Variants in NSF observed in about 807,000 individuals in gnomAD.
NSF encodes the protein vesicle-fusing ATPase.
A neutral mutation model predicts 50.3 loss-of-function variants in NSF; 14 were observed. The observed-to-expected ratio is 0.28, with a 90% CI of 0.18 to 0.44. NSF has a LOEUF of 0.44. NSF is among the 20% of genes least tolerant of loss of function. NSF has a pLI of 1.00. For synonymous variants in NSF, 109 were observed against 175.7 expected (o/e 0.62, Z 3.00); for missense variants, 218 against 504.3 (o/e 0.43, Z 5.44).
chr17:46,713,598 A>C (rs980396286), intron 14 of NSF, among the ~76,000 whole-genome samples: 5 of 152,202 alleles, frequency 3.3e-5, no homozygotes, highest in Non-Finnish European at 5.9e-5. Flanking sequence ...TTTTGCCAAA[A>C]GTTTGAAAGA....
intron 15 of NSF, among the ~76,000 whole-genome samples, chr17:46,720,887 T>A (rs1328251712): frequency 2.0e-5 from 3 of 152,200 alleles, no homozygotes; most frequent in Non-Finnish European, 4.4e-5. Flanking sequence ...ATGCTTGTTG[T>A]GGCTTGTGAT....
At chr17:46,729,793 A>G (rs1234565901) in intron 17 of NSF, among the ~76,000 whole-genome samples, 1 of 152,224 alleles carries the variant, frequency 6.6e-6, no homozygotes, top group Non-Finnish European at 1.5e-5. Flanking sequence ...TTTTTAATTT[A>G]ACAGTTATAT....
rs1330042760 is a variant in NSF, at chr17:46,755,865, C to A, written c.*42C>A. ...ACACACAGTGACCAAGGGAAGTGAC[C>A]AAGGTGAAGATGGCCTAGGATCTTC... On this transcript the variant is annotated 3_prime_UTR_variant, in exon 21 of 21. Transcript: ENST00000398238. 2 of 1,598,588 alleles carry A rather than the reference C, an allele frequency of 1.3e-6. No individual in the cohort carries two copies. The highest frequency in any genetic ancestry group is 1.1e-5 in the South Asian group (1 of 89,010).
chr17:46,755,254 C>A, intron 19 of NSF, 60 bp from the exon 20 acceptor site: 2 of 1,276,122 alleles, frequency 1.6e-6, no homozygotes, highest in Non-Finnish European at 2.3e-6. Context: ...TCTCATGAAG[C>A]AAGTGCAGAG....
intron 8 of NSF, among the ~76,000 whole-genome samples, chr17:46,657,360 A>C (rs577978569): frequency 6.6e-6 from 1 of 152,194 alleles, no homozygotes; most frequent in African/African-American, 2.4e-5. Context: ...AATATAAAAA[A>C]TATAATGGTT....
chr17:46,729,167 C>G (rs954098745), intron 17 of NSF, among the ~76,000 whole-genome samples: 26 of 152,096 alleles, frequency 1.7e-4, no homozygotes, highest in Admixed American at 1.6e-3. Flanking sequence ...GTGTGGAATA[C>G]AACAATTAGC....
At chr17:46,744,263 A>G (rs1568059108) in intron 17 of NSF, among the ~76,000 whole-genome samples, 2 of 152,322 alleles carry the variant, frequency 1.3e-5, no homozygotes, top group Middle Eastern at 3.4e-3. Flanking sequence ...TAATGCTCCA[A>G]TTGGCTAATG....
intron 12 of NSF, among the ~76,000 whole-genome samples, chr17:46,703,984 G>A (rs150843820): frequency 6.6e-6 from 1 of 151,160 alleles, no homozygotes; most frequent in African/African-American, 2.4e-5. Context: ...ATTTAACTTA[G>A]CATATGGTCC....
intron 17 of NSF, among the ~76,000 whole-genome samples, chr17:46,735,426 C>T (rs2058992337): frequency 6.6e-6 from 1 of 151,576 alleles, no homozygotes; most frequent in Admixed American, 6.6e-5. Flanking sequence ...TTAAGAGCAC[C>T]CTTTCTGTAG....
chr17:46,707,016 G>A (rs186519785), intron 13 of NSF, among the ~76,000 whole-genome samples: 2,720 of 148,846 alleles, frequency 0.018, 96 homozygotes, highest in African/African-American at 0.064. Flanking sequence ...ATGCTTGGCC[G>A]ATTTTTGTAT....
At chr17:46,721,028 G>T (rs775677284) in intron 15 of NSF, among the ~76,000 whole-genome samples, 4 of 152,184 alleles carry the variant, frequency 2.6e-5, no homozygotes, top group African/African-American at 9.7e-5. Flanking sequence ...GATCCCAGGA[G>T]TGGGCTCTGG....
At chr17:46,723,302 T>C (rs573916917) in intron 15 of NSF, among the ~76,000 whole-genome samples, 3 of 152,338 alleles carry the variant, frequency 2.0e-5, no homozygotes, top group East Asian at 3.9e-4. Flanking sequence ...TCAGAGCTTT[T>C]AGTAGAATTC....
At chr17:46,740,919 C>T (rs891512204) in intron 17 of NSF, among the ~76,000 whole-genome samples, 2 of 152,140 alleles carry the variant, frequency 1.3e-5, no homozygotes, top group African/African-American at 4.8e-5. Context: ...GTCTCAATAT[C>T]TTCTTAATTT....
At chr17:46,661,214 CTTCTTCCTTTCCATCCTGGAATA>C (rs2058296011) in intron 8 of NSF, among the ~76,000 whole-genome samples, 1 of 147,832 alleles carries the variant, frequency 6.8e-6, no homozygotes, top group Non-Finnish European at 1.5e-5. Flanking sequence ...TGCCTTTAGT[CTTCTTCCTTTCCATCCTGGAATA>C]TTTATTTCAG....
At chr17:46,631,061 TACACACACAC>T (rs61399986) in intron 4 of NSF, among the ~76,000 whole-genome samples, 5 of 122,846 alleles carry the variant, frequency 4.1e-5, no homozygotes, top group South Asian at 2.6e-4. Context: ...TCTCTCTCTG[TACACACACAC>T]ACACACACAC....
intron 17 of NSF, among the ~76,000 whole-genome samples, chr17:46,737,266 G>A (rs986796056): frequency 1.3e-5 from 2 of 152,146 alleles, no homozygotes; most frequent in African/African-American, 4.8e-5. Flanking sequence ...GCCCACCAAG[G>A]AGTCCACCCT....
At chr17:46,710,900 CT>C in intron 13 of NSF, 62 bp from the exon 14 acceptor site, 1 of 1,447,068 alleles carries the variant, frequency 6.9e-7, no homozygotes, top group Non-Finnish European at 9.3e-7. Flanking sequence ...TATAACTCGT[CT>C]TTTATACTGT....
At chr17:46,671,806 T>G (rs1233782994) in intron 8 of NSF, among the ~76,000 whole-genome samples, 1 of 135,680 alleles carries the variant, frequency 7.4e-6, no homozygotes, top group Non-Finnish European at 1.7e-5. Context: ...GCATTTTCTG[T>G]GTACAGAAGC....
intron 13 of NSF, among the ~76,000 whole-genome samples, chr17:46,708,031 CAAAAAAAA>C (rs35548565): frequency 0.08 from 6,871 of 85,534 alleles, 526 homozygotes; most frequent in African/African-American, 0.24. Flanking sequence ...GACCCTGTCT[CAAAAAAAA>C]AAAAAAAAAA....
Sources: allele counts gnomAD v4.1 joint callset (sites outside exome capture counted in the v4.1 genomes callset), GRCh38; gene constraint gnomAD v4.1.1; transcripts MANE v1.5; gene names NCBI Gene and HGNC (gene_info 2026-07-23, HGNC 2026-07-21).